The following TBC1D4 variants were observed in gnomAD, a reference collection of about 807,000 sequenced individuals.
TBC1D4 encodes the protein TBC (Tre-2, BUB2, CDC16) domain-containing protein.
A neutral mutation model predicts 142.5 loss-of-function variants in TBC1D4; 121 were observed. That is an observed-to-expected ratio of 0.85 (90% confidence interval 0.73 to 0.99). The LOEUF is 0.99. TBC1D4 is among the 50% of genes least tolerant of loss of function. The probability of loss-of-function intolerance (pLI) is 0.00; values close to 1 mark genes in which losing one functional copy is unlikely to be tolerated. For synonymous variants in TBC1D4, 630 were observed against 628.2 expected (o/e 1.00, Z -0.04); for missense variants, 1,475 against 1,606.6 (o/e 0.92, Z 1.40).
chr13:75,351,408 T>C (rs548111865), intron 4 of TBC1D4, among the ~76,000 whole-genome samples: 2 of 152,034 alleles, frequency 1.3e-5, no homozygotes, highest in African/African-American at 4.8e-5. Context: ...ATTGTAAAAA[T>C]CTTTTTTTTT....
intron 17 of TBC1D4, among the ~76,000 whole-genome samples, chr13:75,295,542 G>T (rs1448630160): frequency 6.6e-6 from 1 of 152,176 alleles, no homozygotes; most frequent in Non-Finnish European, 1.5e-5. Flanking sequence ...AGAAGCTTGA[G>T]ATTTATTTCT....
chr13:75,399,116 C>T (rs961950551), intron 1 of TBC1D4, among the ~76,000 whole-genome samples: 10 of 152,044 alleles, frequency 6.6e-5, no homozygotes, highest in South Asian at 2.1e-4. Context: ...CCGAGGCAGG[C>T]GGATCACGAG....
chr13:75,330,633 T>C (rs1283162486), intron 8 of TBC1D4, among the ~76,000 whole-genome samples: 1 of 152,214 alleles, frequency 6.6e-6, no homozygotes, highest in African/African-American at 2.4e-5. Context: ...GAAGCACAAT[T>C]GTAAAGTGAA....
rs138058996 is a variant in TBC1D4, at chr13:75,347,264, C to T, written c.1408+1906G>A. 3.6e-3 allele frequency among the ~76,000 whole-genome samples: 555 copies of T among 152,328 alleles called. 5 individuals are homozygous for T. Among genetic ancestry groups the T allele is most frequent in the Non-Finnish European group, 5.8e-3 (393 of 68,018 alleles). On this transcript the variant is annotated intron_variant, in intron 5 of 20. Transcript: ENST00000377636. Reference sequence around the variant, plus strand: ...CATCCAGTAAGGTTCAGCATCCTTACATTTCCATTCTTGGAACTTTTAATT... The same window carrying T: ...CATCCAGTAAGGTTCAGCATCCTTATATTTCCATTCTTGGAACTTTTAATT...
chr13:75,439,739 C>A (rs1886956457), intron 1 of TBC1D4, among the ~76,000 whole-genome samples: 1 of 151,498 alleles, frequency 6.6e-6, no homozygotes, highest in African/African-American at 2.4e-5. Flanking sequence ...GTCTCTACTA[C>A]AAAAATACAA....
intron 12 of TBC1D4, among the ~76,000 whole-genome samples, chr13:75,318,110 T>C (rs1382902178): frequency 6.6e-6 from 1 of 152,266 alleles, no homozygotes; most frequent in Non-Finnish European, 1.5e-5. Flanking sequence ...AAGAATTCAT[T>C]GACTATTGTA....
At chr13:75,369,471 C>T (rs1883104172) in intron 1 of TBC1D4, among the ~76,000 whole-genome samples, 1 of 150,422 alleles carries the variant, frequency 6.6e-6, no homozygotes, top group Non-Finnish European at 1.5e-5. Flanking sequence ...CATTATATAG[C>T]CTGGGTGACA....
At chr13:75,451,332 C>A (rs1342204822) in intron 1 of TBC1D4, among the ~76,000 whole-genome samples, 1 of 151,952 alleles carries the variant, frequency 6.6e-6, no homozygotes, top group Non-Finnish European at 1.5e-5. Flanking sequence ...TTCTTGTAAT[C>A]AAATGCTGTA....
intron 5 of TBC1D4, among the ~76,000 whole-genome samples, chr13:75,345,895 A>G (rs1361937849): frequency 6.6e-6 from 1 of 152,242 alleles, no homozygotes; most frequent in Non-Finnish European, 1.5e-5. Context: ...ATGAGAATTT[A>G]AAACTTCTGT....
chr13:75,326,052 A>G, intron 10 of TBC1D4, 145 bp downstream of exon 10: 1 of 912,412 alleles, frequency 1.1e-6, no homozygotes, highest in South Asian at 1.4e-5. Context: ...CGCCTAGTAA[A>G]TGAGGTAACT....
intron 3 of TBC1D4, among the ~76,000 whole-genome samples, chr13:75,356,492 A>C (rs1882060577): frequency 6.6e-6 from 1 of 152,232 alleles, no homozygotes; most frequent in Admixed American, 6.5e-5. Context: ...TCAAGGCCAC[A>C]GGAGGAAAAA....
intron 1 of TBC1D4, among the ~76,000 whole-genome samples, chr13:75,437,039 G>A (rs1195488928): frequency 1.3e-5 from 2 of 152,104 alleles, no homozygotes; most frequent in African/African-American, 4.8e-5. Flanking sequence ...AAAAATAACT[G>A]GTGCTCTTTG....
chr13:75,339,574 T>C (rs1374844884), intron 7 of TBC1D4, among the ~76,000 whole-genome samples: 1 of 146,564 alleles, frequency 6.8e-6, no homozygotes, highest in African/African-American at 2.5e-5. Context: ...TACATAACTT[T>C]GTGCTCAATG....
intron 1 of TBC1D4, among the ~76,000 whole-genome samples, chr13:75,458,299 G>C (rs1887824311): frequency 6.6e-6 from 1 of 152,140 alleles, no homozygotes; most frequent in African/African-American, 2.4e-5. Context: ...ACCACCCCCA[G>C]CCGAACTCTC....
rs1888916618 is a variant in TBC1D4, at chr13:75,482,077, C to T, written c.-310G>A. ...CTCCCCTTCCTCCGTCGCGGGTTTG[C>T]AGGGTCAGAGGACCACGCCGAGGGT... is the stretch of plus-strand genomic sequence containing the variant. On this transcript the variant is annotated 5_prime_UTR_variant, in exon 1 of 21. Coordinates refer to ENST00000377636, the MANE Select transcript of TBC1D4 (RefSeq NM_014832.5). 1 of 291,818 alleles carries T rather than the reference C, an allele frequency of 3.4e-6. No individual in the cohort carries two copies. The highest frequency in any genetic ancestry group is 6.3e-6 in the Non-Finnish European group (1 of 159,754). The allele number at this position is 291,818 out of a possible 1,614,324, so 18.1% of individuals were successfully genotyped here. A position where few individuals can be genotyped will look rare whatever the true frequency, so the allele number is the denominator to read the frequency against.
At chr13:75,325,390 C>T (rs990538178) in intron 10 of TBC1D4, among the ~76,000 whole-genome samples, 2 of 151,542 alleles carry the variant, frequency 1.3e-5, no homozygotes, top group African/African-American at 4.9e-5. Context: ...TAAAAATTAG[C>T]CTTCTCCTTT....
rs372060343 is a variant in TBC1D4 at position 75,380,652 on chromosome 13, C to T, written c.499-18045G>A. Among the ~76,000 whole-genome samples, 87 of 152,126 alleles carry T rather than the reference C, an allele frequency of 5.7e-4. 1 individual carries two copies. The highest frequency in any genetic ancestry group is 2.0e-3 in the African/African-American group (81 of 41,498). On this transcript the variant is annotated intron_variant, in intron 1 of 20. Coordinates refer to ENST00000377636, the MANE Select transcript of TBC1D4 (RefSeq NM_014832.5). Reference sequence around the variant, plus strand: ...TGTTCCCACACGTTAACTCTACCTACGTTATGTGAAGAAGTGAAAAAAGGG... The same window carrying T: ...TGTTCCCACACGTTAACTCTACCTATGTTATGTGAAGAAGTGAAAAAAGGG...
At chr13:75,334,040 T>C (rs1879984511) in intron 8 of TBC1D4, among the ~76,000 whole-genome samples, 1 of 152,238 alleles carries the variant, frequency 6.6e-6, no homozygotes. Context: ...TGGTGGTGCC[T>C]GCCAGCCTTC....
intron 2 of TBC1D4, among the ~76,000 whole-genome samples, chr13:75,360,720 A>G (rs899296860): frequency 6.6e-6 from 1 of 152,230 alleles, no homozygotes; most frequent in African/African-American, 2.4e-5. Context: ...GCAGGAGAAC[A>G]TCACATTTTC....
Sources: allele counts gnomAD v4.1 joint callset (sites outside exome capture counted in the v4.1 genomes callset), GRCh38; gene constraint gnomAD v4.1.1; transcripts MANE v1.5; gene names NCBI Gene and HGNC (gene_info 2026-07-23, HGNC 2026-07-21).